Variants in GAREM1 observed in about 807,000 individuals in gnomAD.
The protein encoded by GAREM1 is GRB2 associated regulator of MAPK1 subtype 1.
In GAREM1, 26 loss-of-function variants were observed where a neutral mutation model predicts 71.3. That is an observed-to-expected ratio of 0.36 (90% CI 0.27 to 0.51). The LOEUF is 0.51. GAREM1 is among the 20% of genes least tolerant of loss of function. The pLI is 0.95. For synonymous variants in GAREM1, 440 were observed against 433.2 expected (o/e 1.02, Z -0.20); for missense variants, 1,026 against 1,103.1 (o/e 0.93, Z 0.99).
chr18:32,315,896 G>C (rs1173664726), intron 2 of GAREM1, among the ~76,000 whole-genome samples: 3 of 152,296 alleles, frequency 2.0e-5, no homozygotes, highest in African/African-American at 7.2e-5. Context: ...CTAAATAACA[G>C]AGTCTTGGTT....
chr18:32,272,375 C>T (rs2144420728), intron 4 of GAREM1, among the ~76,000 whole-genome samples: 1 of 152,280 alleles, frequency 6.6e-6, no homozygotes, highest in Non-Finnish European at 1.5e-5. Context: ...GGACCCACAG[C>T]CCTGGTTACT....
At chr18:32,426,677 A>G (rs1183518427) in intron 1 of GAREM1, among the ~76,000 whole-genome samples, 1 of 152,182 alleles carries the variant, frequency 6.6e-6, no homozygotes, top group African/African-American at 2.4e-5. Context: ...CCACCAATTT[A>G]ATATGACTTG....
In GAREM1 at chr18:32,268,373, G is replaced by A; in HGVS notation, c.2129C>T (p.Ser710Phe). 1 of 1,614,190 alleles carries A rather than the reference G, an allele frequency of 6.2e-7. No individual in the cohort carries two copies. Among genetic ancestry groups the A allele is most frequent in the Non-Finnish European group, 8.5e-7 (1 of 1,180,020 alleles). Reference sequence around the variant, plus strand: ...CTGCTTTGTCACACCAGCTGCAAGAGATTTCACATCTGTGCTCTCCAGAGA... The same window carrying A: ...CTGCTTTGTCACACCAGCTGCAAGAAATTTCACATCTGTGCTCTCCAGAGA... ...SYSLESTDVK[S>F]LAAGVTKQST... Residue 710 changes from serine (S) to phenylalanine (F), a missense_variant, in exon 6 of 6, where the codon TCT (serine) becomes TTT (phenylalanine). By Grantham distance (155) the Ser-to-Phe change is radical (BLOSUM62 -2). This residue lies in a region of GAREM1 where 636 missense variants were observed against 631.2 expected (regional missense o/e 1.01). Coordinates refer to ENST00000269209, the MANE Select transcript of GAREM1 (RefSeq NM_001242409.2).
chr18:32,320,273 T>C (rs977290061), intron 2 of GAREM1, among the ~76,000 whole-genome samples: 1 of 152,214 alleles, frequency 6.6e-6, no homozygotes, highest in Non-Finnish European at 1.5e-5. Context: ...GTAATCTATG[T>C]TTCATATTAT....
intron 1 of GAREM1, among the ~76,000 whole-genome samples, chr18:32,454,402 C>T (rs1213690796): frequency 6.6e-6 from 1 of 151,558 alleles, no homozygotes; most frequent in African/African-American, 2.4e-5. Context: ...AAATGTACAC[C>T]TTAGAATCAA....
chr18:32,270,394 A>G lies in GAREM1; in HGVS notation c.1567-11T>C, dbSNP rs752782088. 2 of 1,606,140 alleles carry G rather than the reference A, an allele frequency of 1.2e-6. No individual in the cohort carries two copies. The highest frequency in any genetic ancestry group is 1.7e-6 in the Non-Finnish European group (2 of 1,176,502). On this transcript the variant is annotated splice_polypyrimidine_tract_variant and intron_variant, in intron 4 of 5. Transcript: ENST00000269209. Reference sequence around the variant, plus strand: ...GCATTCTTCTCTGACCTGGCGCAGAAAAGAACACTCCAGGTTAGCAACAGA... The same window carrying G: ...GCATTCTTCTCTGACCTGGCGCAGAGAAGAACACTCCAGGTTAGCAACAGA...
At chr18:32,324,819 C>A (rs2047460473) in intron 2 of GAREM1, among the ~76,000 whole-genome samples, 1 of 152,120 alleles carries the variant, frequency 6.6e-6, no homozygotes. Flanking sequence ...ATGCCTATTA[C>A]TAAGTGAAAG....
intron 1 of GAREM1, among the ~76,000 whole-genome samples, chr18:32,404,917 T>C (rs529489845): frequency 1.3e-5 from 2 of 152,328 alleles, no homozygotes; most frequent in African/African-American, 2.4e-5. Flanking sequence ...GTCACGGACA[T>C]AAACTGTTCT....
intron 4 of GAREM1, among the ~76,000 whole-genome samples, chr18:32,282,571 T>C (rs1195114261): frequency 6.6e-6 from 1 of 152,216 alleles, no homozygotes; most frequent in African/African-American, 2.4e-5. Flanking sequence ...AGTCTTGCTC[T>C]GTCACCCAGG....
intron 3 of GAREM1, among the ~76,000 whole-genome samples, chr18:32,290,023 G>C (rs2047065299): frequency 6.6e-6 from 1 of 151,840 alleles, no homozygotes; most frequent in Admixed American, 6.6e-5. Context: ...TGAGTGTTGA[G>C]TGCACTTCCT....
At chr18:32,364,020 A>ATGTTTT (rs1333086760) in intron 2 of GAREM1, among the ~76,000 whole-genome samples, 31 of 49,518 alleles carry the variant, frequency 6.3e-4, no homozygotes, top group African/African-American at 1.7e-3. Context: ...ATATATATAT[A>ATGTTTT]TATATATGTT....
At chr18:32,331,303 A>ATGT (rs2047533210) in intron 2 of GAREM1, among the ~76,000 whole-genome samples, 1 of 152,236 alleles carries the variant, frequency 6.6e-6, no homozygotes, top group Non-Finnish European at 1.5e-5. Context: ...ATTTCTCTAC[A>ATGT]TATACTATGA....
intron 2 of GAREM1, among the ~76,000 whole-genome samples, chr18:32,320,284 G>A (rs548286604): frequency 1.3e-5 from 2 of 152,172 alleles, no homozygotes; most frequent in East Asian, 3.9e-4. Context: ...TTCATATTAT[G>A]TGGCTTTTCT....
At chr18:32,322,813 G>A (rs750119963) in intron 2 of GAREM1, among the ~76,000 whole-genome samples, 4 of 152,142 alleles carry the variant, frequency 2.6e-5, no homozygotes, top group Non-Finnish European at 5.9e-5. Flanking sequence ...GATTACCAGA[G>A]TCTATTCACC....
chr18:32,411,085 G>A (rs1047241149), intron 1 of GAREM1, among the ~76,000 whole-genome samples: 14 of 152,212 alleles, frequency 9.2e-5, no homozygotes, highest in Non-Finnish European at 1.8e-4. Context: ...TTACAGGCAT[G>A]AGCCACCGTG....
At chr18:32,403,063 G>A (rs1044639159) in intron 1 of GAREM1, among the ~76,000 whole-genome samples, 4 of 151,936 alleles carry the variant, frequency 2.6e-5, no homozygotes, top group South Asian at 2.1e-4. Flanking sequence ...GATTACAGGC[G>A]TGCACCACTA....
intron 2 of GAREM1, among the ~76,000 whole-genome samples, chr18:32,324,600 G>T (rs190869542): frequency 3.0e-4 from 45 of 152,330 alleles, no homozygotes; most frequent in African/African-American, 1.1e-3. Flanking sequence ...ATCAAAAGAG[G>T]ATAGGAGGAC....
chr18:32,431,938 C>T (rs894067892), intron 1 of GAREM1, among the ~76,000 whole-genome samples: 2 of 152,032 alleles, frequency 1.3e-5, no homozygotes, highest in African/African-American at 2.4e-5. Context: ...GAACTGTCAA[C>T]CCAGAATTCT....
intron 1 of GAREM1, among the ~76,000 whole-genome samples, chr18:32,467,501 T>C (rs1415263940): frequency 1.3e-5 from 2 of 152,166 alleles, no homozygotes; most frequent in Non-Finnish European, 2.9e-5. Flanking sequence ...TTCTGAATCT[T>C]AGGTTCCTGA....
Sources: allele counts gnomAD v4.1 joint callset (sites outside exome capture counted in the v4.1 genomes callset), GRCh38; gene constraint gnomAD v4.1.1; regional missense constraint gnomAD v4.1.1; transcripts MANE v1.5; gene names NCBI Gene and HGNC (gene_info 2026-07-23, HGNC 2026-07-21).